The following ZNF253 variants were observed in gnomAD, a reference collection of about 807,000 sequenced individuals.
The protein encoded by ZNF253 is zinc finger protein 253, also known as DNA-binding protein.
ZNF253 carries 8 observed loss-of-function variants against 11.9 expected under a neutral mutation model. That is an observed-to-expected ratio of 0.67 (90% CI 0.40 to 1.22). ZNF253 has a LOEUF of 1.22. Ranked by LOEUF, ZNF253 falls within the 50% of genes most tolerant of loss-of-function variation. The probability of loss-of-function intolerance (pLI) is 0.01; values close to 1 mark genes in which losing one functional copy is unlikely to be tolerated. For synonymous variants in ZNF253, 194 were observed against 194.9 expected, an observed-to-expected ratio of 1.00 and a Z score of 0.04; for missense variants, 485 against 586.9, an observed-to-expected ratio of 0.83 and a Z score of 1.79.
rs765183190 is a variant in ZNF253, at chr19:19,892,047, G to A, written c.800G>A (p.Arg267Gln). The change falls in exon 4 of 4, where the codon CGA becomes CAA. Residue 267 changes from arginine (R) to glutamine (Q), a missense_variant. Arg to Gln is a conservative substitution (Grantham distance 43). Coordinates refer to ENST00000589717, the MANE Select transcript of ZNF253 (RefSeq NM_021047.3). ...GAAGAATGTGGCAAAGCCTTCAACC[G>A]ATCCACAGACCTTACTACACATAAG... ...KCEECGKAFN[R>Q]STDLTTHKIV... The A allele has an allele frequency of 1.3e-5, 20 of 1,597,676 alleles. No homozygotes were observed. Among genetic ancestry groups the A allele is most frequent in the African/African-American group, 7.2e-5 (5 of 69,662 alleles).
chr19:19,890,112 T>C (rs914314333), intron 3 of ZNF253, among the ~76,000 whole-genome samples: 5 of 152,378 alleles, frequency 3.3e-5, no homozygotes, highest in African/African-American at 1.2e-4. Flanking sequence ...CTTTATAATA[T>C]AGTTTTGTCC....
chr19:19,884,648 A>C (rs545497416), intron 3 of ZNF253, among the ~76,000 whole-genome samples: 8 of 152,300 alleles, frequency 5.3e-5, no homozygotes, highest in African/African-American at 1.7e-4. Flanking sequence ...CTATGATTAC[A>C]GGCTTGAGCC....
chr19:19,878,932 C>A (rs2063166414), intron 2 of ZNF253, among the ~76,000 whole-genome samples: 1 of 152,090 alleles, frequency 6.6e-6, no homozygotes, highest in South Asian at 2.1e-4. Context: ...AGGCCTGAAT[C>A]AAAATATTCC....
chr19:19,868,110 G>T (rs1000828667), intron 1 of ZNF253, among the ~76,000 whole-genome samples: 3 of 151,588 alleles, frequency 2.0e-5, no homozygotes, highest in Non-Finnish European at 4.4e-5. Context: ...TTTGTCAGAG[G>T]CAAAGTTTGC....
chr19:19,880,923 T>A (rs970289642), intron 3 of ZNF253, among the ~76,000 whole-genome samples: 2 of 152,148 alleles, frequency 1.3e-5, no homozygotes, highest in Non-Finnish European at 2.9e-5. Context: ...TTCTATAAAG[T>A]CTTCAAATAT....
In ZNF253 at chr19:19,892,665, T is replaced by C; in HGVS notation, c.1418T>C (p.Ile473Thr). Reference protein sequence around the residue: ...WSSDLNKHKKIHIERKPYIVK... With the variant: ...WSSDLNKHKKTHIERKPYIVK... ...TCAGACCTTAATAAACATAAGAAAA[T>C]TCATATTGAACGAAAACCCTACATA... The change falls in exon 4 of 4, where the codon ATT (isoleucine) becomes ACT (threonine). Residue 473 changes from isoleucine (I) to threonine (T), a missense_variant. Physicochemically the swap from Ile to Thr is moderately conservative, Grantham distance 89. Transcript: ENST00000589717. The C allele has an allele frequency of 6.2e-7, 1 of 1,612,830 alleles. No homozygotes were observed.
intron 1 of ZNF253, among the ~76,000 whole-genome samples, chr19:19,876,493 T>C (rs2063156700): frequency 6.7e-6 from 1 of 148,680 alleles, no homozygotes; most frequent in Non-Finnish European, 1.5e-5. Context: ...GAGAAACTTA[T>C]ATTTTTATCT....
chr19:19,877,949 A>G (rs188867655), intron 1 of ZNF253, among the ~76,000 whole-genome samples: 35 of 152,280 alleles, frequency 2.3e-4, no homozygotes, highest in African/African-American at 8.4e-4. Context: ...AAACTGGGAA[A>G]AACACAGGCT....
chr19:19,882,193 A>T lies in ZNF253; in HGVS notation c.226+2047A>T, dbSNP rs76059796. Among the ~76,000 whole-genome samples, 6 of 54,330 alleles carry T rather than the reference A, an allele frequency of 1.1e-4. No individual in the cohort carries two copies. The South Asian group carries it at 1.6e-3, about 14-fold the overall frequency. The allele number at this position is 54,330 out of a possible 152,430, so 35.6% of individuals were successfully genotyped here. A position where few individuals can be genotyped will look rare whatever the true frequency, so the allele number is the denominator to read the frequency against. ...AACAAGAGCGAAACTCCGTCTCAAT[A>T]AAAAAAAAAAAAAGAAGAAGAAGAA... is the stretch of plus-strand genomic sequence containing the variant. On this transcript the variant is annotated intron_variant, in intron 3 of 3. Coordinates refer to ENST00000589717, the MANE Select transcript of ZNF253 (RefSeq NM_021047.3).
rs745611897 is a variant in ZNF253, at chr19:19,893,802, T to G, written c.*1055T>G. ...ACAGCCATTACAAATATAAAGGGGG[T>G]TGTAGTGCCTTTACTTGTGTCACAG... On this transcript the variant is annotated 3_prime_UTR_variant, in exon 4 of 4. Transcript: ENST00000589717. The G allele has an allele frequency of 8.5e-5, 13 of 152,174 alleles. No homozygotes were observed. The highest frequency in any genetic ancestry group is 1.9e-4 in the Non-Finnish European group (13 of 68,036). The allele number at this position is 152,174 out of a possible 1,614,324, so 9.4% of individuals were successfully genotyped here. A position where few individuals can be genotyped will look rare whatever the true frequency, so the allele number is the denominator to read the frequency against.
chr19:19,879,049 C>T lies in ZNF253; in HGVS notation c.130+442C>T, dbSNP rs117460436. 2.2e-3 allele frequency among the ~76,000 whole-genome samples: 342 copies of T among 152,290 alleles called. 2 individuals carry two copies. The highest frequency in any genetic ancestry group is 4.0e-3 in the Non-Finnish European group (271 of 68,010). On this transcript the variant is annotated intron_variant, in intron 2 of 3. Transcript: ENST00000589717. ...AACCGATGGGAAAAATGTTCTTCAA[C>T]TCATTTGCAGTTTAAAGTCACTGGC...
intron 3 of ZNF253, among the ~76,000 whole-genome samples, chr19:19,882,415 G>T (rs2063181706): frequency 6.6e-6 from 1 of 151,986 alleles, no homozygotes; most frequent in Non-Finnish European, 1.5e-5. Flanking sequence ...TCTACCTTTG[G>T]GTCCACCTTT....
chr19:19,885,102 G>A (rs1352444504), intron 3 of ZNF253, among the ~76,000 whole-genome samples: 1 of 151,850 alleles, frequency 6.6e-6, no homozygotes, highest in Admixed American at 6.6e-5. Flanking sequence ...TTTTCTTTCA[G>A]AAATTTTGAA....
chr19:19,872,868 T>C (rs1331854488), intron 1 of ZNF253, among the ~76,000 whole-genome samples: 1 of 151,994 alleles, frequency 6.6e-6, no homozygotes, highest in Non-Finnish European at 1.5e-5. Context: ...TATGAGGGGA[T>C]CTTTTCTTTG....
intron 3 of ZNF253, among the ~76,000 whole-genome samples, chr19:19,882,225 A>G (rs2063180983): frequency 6.6e-6 from 1 of 152,078 alleles, no homozygotes; most frequent in South Asian, 2.1e-4. Flanking sequence ...AGAAGCATTG[A>G]CAATGGGCAC....
intron 1 of ZNF253, among the ~76,000 whole-genome samples, chr19:19,873,483 C>A (rs1397767354): frequency 6.6e-6 from 1 of 152,100 alleles, no homozygotes; most frequent in Non-Finnish European, 1.5e-5. Context: ...ATGTCCAGAG[C>A]AGAATTGTGT....
At chr19:19,866,954 A>G (rs1568492866) in intron 1 of ZNF253, among the ~76,000 whole-genome samples, 1 of 152,122 alleles carries the variant, frequency 6.6e-6, no homozygotes, top group Non-Finnish European at 1.5e-5. Flanking sequence ...GGTACAAAAA[A>G]GTTGGTCCTA....
At chr19:19,865,832 A>G, upstream of ZNF253, 1 of 903,372 alleles carries the variant, frequency 1.1e-6, no homozygotes, top group East Asian at 2.5e-5. Flanking sequence ...GCTGGAGCGA[A>G]CCACATGGTT....
chr19:19,882,278 C>A (rs949121081), intron 3 of ZNF253, among the ~76,000 whole-genome samples: 1 of 152,000 alleles, frequency 6.6e-6, no homozygotes. Flanking sequence ...GGAGCAAACA[C>A]CTCTTCAAGT....
Sources: gnomAD v4.1 joint callset for allele counts (sites outside exome capture counted in the v4.1 genomes callset) on GRCh38, gnomAD v4.1.1 for gene constraint, MANE v1.5 for transcripts, NCBI Gene and HGNC (gene_info 2026-07-23, HGNC 2026-07-21) for gene names.